GRID1: variants seen among roughly 807,000 people sequenced by gnomAD.
GRID1 encodes glutamate receptor ionotropic, delta-1.
In GRID1, 28 loss-of-function variants were observed where a neutral mutation model predicts 98.0. The observed-to-expected ratio is 0.29, with a 90% CI of 0.21 to 0.39. The LOEUF (loss-of-function observed/expected upper bound fraction) is 0.39, where lower values mean the gene tolerates loss of function less well. Ranked by LOEUF, GRID1 falls within the 10% of genes least tolerant of loss-of-function variation. GRID1 has a pLI of 1.00. For missense variants in GRID1, 1,111 were observed against 1,340.5 expected (o/e 0.83, Z 2.67); for synonymous variants, 553 against 538.5 (o/e 1.03, Z -0.37).
chr10:85,615,625 T>C (rs1354113586), intron 14 of GRID1, among the ~76,000 whole-genome samples: 1 of 152,248 alleles, frequency 6.6e-6, no homozygotes, highest in Non-Finnish European at 1.5e-5. Flanking sequence ...TGTGCATTTA[T>C]ATGGTTTGGG....
At chr10:86,218,509 C>T (rs573204295) in intron 2 of GRID1, among the ~76,000 whole-genome samples, 11 of 152,186 alleles carry the variant, frequency 7.2e-5, no homozygotes, top group Non-Finnish European at 1.5e-4. Context: ...AGGCCTTGCA[C>T]TAATCCTGCA....
chr10:86,189,515 A>C (rs969729072), intron 3 of GRID1, among the ~76,000 whole-genome samples: 4 of 151,016 alleles, frequency 2.6e-5, no homozygotes, highest in African/African-American at 9.9e-5. Flanking sequence ...ACACACACGC[A>C]CACACACACA....
At chr10:85,822,032 T>C (rs1046209800) in intron 8 of GRID1, among the ~76,000 whole-genome samples, 3 of 152,092 alleles carry the variant, frequency 2.0e-5, no homozygotes, top group Admixed American at 6.6e-5. Flanking sequence ...ATACAAAAAT[T>C]AATTCAAGAT....
At position 85,941,962 on chromosome 10, in the gene GRID1, G is replaced by A. The variant is rs528545591; in HGVS notation, c.727-25723C>T. On this transcript the variant is annotated intron_variant, in intron 4 of 15. Coordinates refer to ENST00000327946, the MANE Select transcript of GRID1 (RefSeq NM_017551.3). ...CATCTTCATCCTAGGGAGCTTACAC[G>A]GTGCTGAAGTGTGCAGTGGGGCACT... Among the ~76,000 whole-genome samples, 10 of 152,238 alleles carry A rather than the reference G, an allele frequency of 6.6e-5. No individual in the cohort carries two copies. In the South Asian group the frequency reaches 2.1e-3, roughly 32 times the overall value.
At chr10:85,790,762 G>C (rs1564591811) in intron 8 of GRID1, among the ~76,000 whole-genome samples, 1 of 152,198 alleles carries the variant, frequency 6.6e-6, no homozygotes, top group Non-Finnish European at 1.5e-5. Context: ...AACAGCAGTG[G>C]CTGACTGTGC....
At chr10:86,109,049 C>T (rs1844436692) in intron 4 of GRID1, among the ~76,000 whole-genome samples, 1 of 152,216 alleles carries the variant, frequency 6.6e-6, no homozygotes, top group African/African-American at 2.4e-5. Flanking sequence ...TTCGTTCCAC[C>T]TTCCCTTCAT....
At chr10:85,755,325 C>G (rs2132691258) in intron 8 of GRID1, among the ~76,000 whole-genome samples, 1 of 152,318 alleles carries the variant, frequency 6.6e-6, no homozygotes, top group Non-Finnish European at 1.5e-5. Flanking sequence ...GCTGGAAGAT[C>G]AATAGGTCCT....
At chr10:85,720,940 A>G (rs1564569858) in intron 12 of GRID1, among the ~76,000 whole-genome samples, 5 of 152,208 alleles carry the variant, frequency 3.3e-5, no homozygotes, top group African/African-American at 1.2e-4. Context: ...GTGGCAGCAA[A>G]TATTTGCTGA....
At chr10:85,894,595 T>C (rs1841257137) in intron 5 of GRID1, among the ~76,000 whole-genome samples, 1 of 152,212 alleles carries the variant, frequency 6.6e-6, no homozygotes, top group African/African-American at 2.4e-5. Context: ...CTCCAAGTCG[T>C]ACTTATCAGA....
chr10:86,120,722 G>A (rs529179757), intron 4 of GRID1, among the ~76,000 whole-genome samples: 1 of 152,154 alleles, frequency 6.6e-6, no homozygotes, highest in Non-Finnish European at 1.5e-5. Context: ...TAATGTCAAG[G>A]TATTGTCAGT....
intron 5 of GRID1, among the ~76,000 whole-genome samples, chr10:85,879,717 A>G (rs1413725405): frequency 6.6e-6 from 1 of 152,180 alleles, no homozygotes; most frequent in Non-Finnish European, 1.5e-5. Flanking sequence ...AAGAACTAGA[A>G]AACCAAGAGC....
intron 12 of GRID1, among the ~76,000 whole-genome samples, chr10:85,670,350 GA>G (rs1189795422): frequency 6.6e-6 from 1 of 152,206 alleles, no homozygotes; most frequent in Admixed American, 6.5e-5. Flanking sequence ...ACAGAGCAGT[GA>G]GGATTCTGCC....
chr10:86,081,719 C>T (rs969012370), intron 4 of GRID1, among the ~76,000 whole-genome samples: 5 of 152,034 alleles, frequency 3.3e-5, no homozygotes, highest in African/African-American at 1.2e-4. Context: ...TGACAAGGCA[C>T]GGAGGAAACT....
chr10:85,960,521 A>G (rs1475000294), intron 4 of GRID1, among the ~76,000 whole-genome samples: 1 of 152,152 alleles, frequency 6.6e-6, no homozygotes, highest in Non-Finnish European at 1.5e-5. Context: ...TCCCCTCTGC[A>G]TTTGCTGTGG....
rs1030765706 is a variant in GRID1, at chr10:85,616,765, C to T, written c.2360+3102G>A. On this transcript the variant is annotated intron_variant, in intron 14 of 15. Transcript: ENST00000327946. ...CCATAATAATCCATACTCTCGCTTA[C>T]GAGGAAGCCAGAGGGATAATAGCCA... Among the ~76,000 whole-genome samples the T allele has an allele frequency of 7.2e-5, 11 of 152,160 alleles. 1 individual carries two copies. The highest frequency in any genetic ancestry group is 4.1e-4 in the South Asian group (2 of 4,826).
intron 8 of GRID1, among the ~76,000 whole-genome samples, chr10:85,757,266 T>C (rs1842108266): frequency 6.6e-6 from 1 of 152,204 alleles, no homozygotes; most frequent in African/African-American, 2.4e-5. Flanking sequence ...CTGGTCATTA[T>C]CTGTGGATGA....
At chr10:85,917,894 T>C (rs1381566882) in intron 4 of GRID1, among the ~76,000 whole-genome samples, 3 of 152,164 alleles carry the variant, frequency 2.0e-5, no homozygotes, top group Non-Finnish European at 4.4e-5. Context: ...TCAGTCAGGA[T>C]AGAGAAAGGA....
chr10:85,967,252 A>C lies in GRID1; in HGVS notation c.727-51013T>G, dbSNP rs144401428. ...GCAGCATGAGAACAAACTAATACAG[A>C]TACACACTACAGGTAATAAAGACAT... On this transcript the variant is annotated intron_variant, in intron 4 of 15. Transcript: ENST00000327946. Among the ~76,000 whole-genome samples, 807 of 152,332 alleles carry C rather than the reference A, an allele frequency of 5.3e-3. 7 individuals carry two copies. Among genetic ancestry groups the C allele is most frequent in the African/African-American group, 0.018 (756 of 41,570 alleles).
intron 12 of GRID1, among the ~76,000 whole-genome samples, chr10:85,707,470 C>T (rs1841533695): frequency 6.6e-6 from 1 of 152,250 alleles, no homozygotes; most frequent in Admixed American, 6.5e-5. Context: ...ACAACAGGTG[C>T]TGGAGAGGAT....
Sources: allele counts gnomAD v4.1 joint callset (sites outside exome capture counted in the v4.1 genomes callset), GRCh38; gene constraint gnomAD v4.1.1; transcripts MANE v1.5; gene names NCBI Gene and HGNC (gene_info 2026-07-23, HGNC 2026-07-21).